KCNH8: variants seen among roughly 807,000 people sequenced by gnomAD.
The protein encoded by KCNH8 is voltage-gated delayed rectifier potassium channel KCNH8.
In KCNH8, 70 loss-of-function variants were observed where a neutral mutation model predicts 103.6. That is an observed-to-expected ratio of 0.68 (90% CI 0.56 to 0.82). The LOEUF is 0.82. KCNH8 is among the 40% of genes least tolerant of loss of function. The pLI, the probability that KCNH8 is intolerant of heterozygous loss-of-function variation, is 0.00. For missense variants in KCNH8, 1,217 were observed against 1,329.9 expected (o/e 0.92, Z 1.32); for synonymous variants, 498 against 489.4 (o/e 1.02, Z -0.23).
intron 9 of KCNH8, 84 bp from the exon 10 acceptor site, chr3:19,451,071 A>ATCCT (rs2067440342): frequency 8.4e-6 from 11 of 1,305,944 alleles, no homozygotes; most frequent in Non-Finnish European, 1.2e-5. Flanking sequence ...AGACAGTAGG[A>ATCCT]AGAGCATCCC....
intron 5 of KCNH8, among the ~76,000 whole-genome samples, chr3:19,375,726 T>G (rs1180076381): frequency 6.6e-6 from 1 of 152,078 alleles, no homozygotes; most frequent in Admixed American, 6.5e-5. Context: ...TTTTTCCCCA[T>G]CTTTGTGGTT....
At chr3:19,423,452 G>C (rs2066980171) in intron 7 of KCNH8, among the ~76,000 whole-genome samples, 1 of 151,306 alleles carries the variant, frequency 6.6e-6, no homozygotes, top group Admixed American at 6.6e-5. Context: ...CCTTCCCCCT[G>C]AGTCCATTAT....
intron 5 of KCNH8, among the ~76,000 whole-genome samples, chr3:19,367,338 T>C (rs1169172378): frequency 6.7e-6 from 1 of 149,832 alleles, no homozygotes; most frequent in Non-Finnish European, 1.5e-5. Flanking sequence ...ACTTATTTCC[T>C]TCCTCCATTC....
Position 19,515,331 on chromosome 3 carries a change from T to C in KCNH8, c.2445T>C (p.Asp815=), listed in dbSNP as rs561929129. The C allele has an allele frequency of 6.3e-6, 10 of 1,587,484 alleles. 1 individual carries two copies. The highest frequency in any genetic ancestry group is 1.7e-4 in the Middle Eastern group (1 of 5,980). Residue 815 remains aspartate (D), a synonymous_variant, in exon 14 of 16, where the codon GAT becomes GAC. Transcript: ENST00000328405. ...GPPDLSPRIV[D]GIEDGNSSEE... is the part of the protein sequence containing the mutation. ...CCTTTATTTTAAGTAGGATTGTTGA[T>C]GGAATTGAAGATGGAAACAGCAGTG... is the stretch of plus-strand genomic sequence containing the variant.
At chr3:19,239,097 A>G (rs975329698) in intron 1 of KCNH8, among the ~76,000 whole-genome samples, 21 of 152,234 alleles carry the variant, frequency 1.4e-4, no homozygotes, top group Admixed American at 1.2e-3. Context: ...TTCAGTTAGG[A>G]ATGCTTTCAG....
chr3:19,468,527 A>T (rs939974195), intron 11 of KCNH8, among the ~76,000 whole-genome samples: 3 of 152,216 alleles, frequency 2.0e-5, no homozygotes, highest in Non-Finnish European at 2.9e-5. Flanking sequence ...CACTTCCCCT[A>T]AGTTCAGGAA....
At chr3:19,260,943 C>G (rs886217933) in intron 2 of KCNH8, among the ~76,000 whole-genome samples, 1 of 145,430 alleles carries the variant, frequency 6.9e-6, no homozygotes, top group Non-Finnish European at 1.5e-5. Context: ...AGGATCTCCT[C>G]CTTTTTTAAG....
chr3:19,455,074 A>T (rs1386336584), intron 10 of KCNH8, among the ~76,000 whole-genome samples: 1 of 152,108 alleles, frequency 6.6e-6, no homozygotes, highest in African/African-American at 2.4e-5. Flanking sequence ...AAAAAAAGCT[A>T]ATGTTCTTCT....
intron 5 of KCNH8, among the ~76,000 whole-genome samples, chr3:19,375,511 AT>A (rs1335617704): frequency 2.0e-5 from 3 of 148,634 alleles, no homozygotes; most frequent in Non-Finnish European, 4.5e-5. Context: ...ATTCTTCTAA[AT>A]TTTTTTCAAA....
intron 7 of KCNH8, among the ~76,000 whole-genome samples, chr3:19,410,218 A>G (rs1337857592): frequency 3.3e-5 from 5 of 152,278 alleles, no homozygotes; most frequent in South Asian, 2.1e-4. Context: ...GTGGAATACA[A>G]TAGAAATCAA....
chr3:19,433,691 A>G (rs1398636058), intron 7 of KCNH8, among the ~76,000 whole-genome samples: 1 of 152,240 alleles, frequency 6.6e-6, no homozygotes, highest in African/African-American at 2.4e-5. Flanking sequence ...GTACTAATTC[A>G]GAAATGTAAG....
chr3:19,251,636 G>C (rs939203945), intron 1 of KCNH8, among the ~76,000 whole-genome samples: 4 of 152,044 alleles, frequency 2.6e-5, no homozygotes, highest in African/African-American at 9.7e-5. Flanking sequence ...AGAAGTAGCT[G>C]GAGTACCTTC....
intron 11 of KCNH8, among the ~76,000 whole-genome samples, chr3:19,482,818 T>C (rs1386835306): frequency 1.3e-5 from 2 of 152,202 alleles, no homozygotes; most frequent in Non-Finnish European, 2.9e-5. Context: ...TAGCAAGTAG[T>C]AGAGAGCTAA....
chr3:19,447,621 C>A (rs923376682), intron 8 of KCNH8, among the ~76,000 whole-genome samples: 5 of 151,912 alleles, frequency 3.3e-5, no homozygotes, highest in Non-Finnish European at 2.9e-5. Context: ...ACACTTAGCC[C>A]ATAAGTATAT....
Position 19,513,060 on chromosome 3 carries a change from G to T in KCNH8, c.2170G>T (p.Ala724Ser). ...EEEEEGEEEE[A>S]VSLSPICTRG... ...GGAGGAGGAGGGGGAGGAAGAGGAG[G>T]CAGTCTCCCTCTCTCCCATCTGCAC... Residue 724 changes from alanine to serine, a missense_variant, in exon 13 of 16, where the codon GCA becomes TCA. By Grantham distance (99) the Ala-to-Ser change is moderately conservative (BLOSUM62 1). Around this residue, in one of 3 missense-constraint regions of KCNH8, gnomAD observed 558 missense variants for 495.8 expected, o/e 1.13. Coordinates refer to ENST00000328405, the MANE Select transcript of KCNH8 (RefSeq NM_144633.3). The T allele has an allele frequency of 6.2e-7, 1 of 1,613,680 alleles. No homozygotes were observed. Among genetic ancestry groups the T allele is most frequent in the South Asian group, 1.1e-5 (1 of 91,076 alleles).
At chr3:19,286,676 AT>A (rs1035229204) in intron 3 of KCNH8, among the ~76,000 whole-genome samples, 4 of 152,230 alleles carry the variant, frequency 2.6e-5, no homozygotes, top group Non-Finnish European at 2.9e-5. Context: ...CTTTAAAAAA[AT>A]CTCTAGATTA....
At chr3:19,358,188 CCTTCCTT>C (rs1419984540) in intron 5 of KCNH8, among the ~76,000 whole-genome samples, 4 of 151,252 alleles carry the variant, frequency 2.6e-5, no homozygotes, top group Non-Finnish European at 4.4e-5. Flanking sequence ...TTCCTTCCTT[CCTTCCTT>C]CTTTTTTCTT....
intron 11 of KCNH8, among the ~76,000 whole-genome samples, chr3:19,459,438 G>A (rs1265902683): frequency 1.3e-5 from 2 of 151,756 alleles, no homozygotes; most frequent in Non-Finnish European, 2.9e-5. Context: ...TTAATTTCTT[G>A]TTATTGAGTT....
chr3:19,226,956 C>A (rs762354992), intron 1 of KCNH8, among the ~76,000 whole-genome samples: 1 of 152,212 alleles, frequency 6.6e-6, no homozygotes, highest in Non-Finnish European at 1.5e-5. Flanking sequence ...GACCTCAAGA[C>A]TTAGGGTCTA....
Sources: gnomAD v4.1 joint callset for allele counts (sites outside exome capture counted in the v4.1 genomes callset) on GRCh38, gnomAD v4.1.1 for gene constraint, gnomAD v4.1.1 regional missense constraint, MANE v1.5 for transcripts, NCBI Gene and HGNC (gene_info 2026-07-23, HGNC 2026-07-21) for gene names.